The following KHDRBS2 variants were observed in gnomAD, a reference collection of about 807,000 sequenced individuals.
The protein encoded by KHDRBS2 is KH domain-containing, RNA-binding, signal transduction-associated protein 2.
A neutral mutation model predicts 44.3 loss-of-function variants in KHDRBS2; 26 were observed. The observed-to-expected ratio is 0.59, with a 90% CI of 0.43 to 0.81. The LOEUF (loss-of-function observed/expected upper bound fraction) is 0.81, where lower values mean the gene tolerates loss of function less well. KHDRBS2 is among the 40% of genes least tolerant of loss of function. The probability of loss-of-function intolerance (pLI) is 0.00; values close to 1 mark genes in which losing one functional copy is unlikely to be tolerated. For missense variants in KHDRBS2, 476 were observed against 433.1 expected, an observed-to-expected ratio of 1.10 and a Z score of -0.88; for synonymous variants, 194 against 151.1, an observed-to-expected ratio of 1.28 and a Z score of -2.08.
intron 2 of KHDRBS2, among the ~76,000 whole-genome samples, chr6:62,072,721 T>G (rs1194886280): frequency 6.6e-6 from 1 of 152,188 alleles, no homozygotes; most frequent in Non-Finnish European, 1.5e-5. Flanking sequence ...AGCTTTTTGA[T>G]GTGCTGCTGG....
At chr6:61,775,312 A>G (rs1781764962) in intron 6 of KHDRBS2, among the ~76,000 whole-genome samples, 1 of 152,102 alleles carries the variant, frequency 6.6e-6, no homozygotes, top group Non-Finnish European at 1.5e-5. Context: ...CAGCAGAAGG[A>G]AATAAAGGGT....
At chr6:62,109,916 A>G (rs79067103) in intron 2 of KHDRBS2, among the ~76,000 whole-genome samples, 3,980 of 152,040 alleles carry the variant, frequency 0.026, 69 homozygotes, top group Non-Finnish European at 0.036. Flanking sequence ...ACATAAAACT[A>G]TAAAACTTCT....
intron 2 of KHDRBS2, among the ~76,000 whole-genome samples, chr6:62,063,101 G>C (rs1435890065): frequency 1.6e-5 from 2 of 128,552 alleles, no homozygotes; most frequent in Non-Finnish European, 3.4e-5. Flanking sequence ...TCTCTGAATA[G>C]ACCAATAACA....
chr6:61,619,102 TA>T, the KHDRBS2 span, among the ~76,000 whole-genome samples: 5 of 152,038 alleles, frequency 3.3e-5, no homozygotes, highest in Admixed American at 6.6e-5. Flanking sequence ...AAATTGAATA[TA>T]AAAAAAGTTT....
intron 8 of KHDRBS2, among the ~76,000 whole-genome samples, chr6:61,682,979 T>C (rs1356578663): frequency 6.6e-6 from 1 of 151,862 alleles, no homozygotes; most frequent in Non-Finnish European, 1.5e-5. Flanking sequence ...TGTCCTCTGA[T>C]GGTAAAATGT....
At chr6:61,592,614 C>T in the KHDRBS2 span, among the ~76,000 whole-genome samples, 1 of 152,172 alleles carries the variant, frequency 6.6e-6, no homozygotes, top group Non-Finnish European at 1.5e-5. Context: ...CTATTCCTGT[C>T]TGCAGGCTCT....
intron 2 of KHDRBS2, among the ~76,000 whole-genome samples, chr6:62,059,208 T>TTTTTTTG (rs1791068977): frequency 8.9e-6 from 1 of 112,576 alleles, no homozygotes; most frequent in Non-Finnish European, 1.8e-5. Context: ...GTTTTTTTTT[T>TTTTTTTG]TTTTTTTTTT....
chr6:61,897,386 C>A (rs541301195), intron 5 of KHDRBS2, among the ~76,000 whole-genome samples: 10 of 152,192 alleles, frequency 6.6e-5, no homozygotes, highest in Admixed American at 5.2e-4. Context: ...ATGGAGAGAA[C>A]AAGTCACCTG....
At chr6:61,928,765 A>C (rs1809452319) in intron 4 of KHDRBS2, among the ~76,000 whole-genome samples, 1 of 152,086 alleles carries the variant, frequency 6.6e-6, no homozygotes, top group African/African-American at 2.4e-5. Flanking sequence ...ATCATGCTTG[A>C]GTTTTCTACC....
chr6:61,568,821 A>T, the KHDRBS2 span, among the ~76,000 whole-genome samples: 1 of 152,212 alleles, frequency 6.6e-6, no homozygotes, highest in Admixed American at 6.5e-5. Flanking sequence ...GCCCTCAGGG[A>T]AGGCAGCAAG....
chr6:61,901,649 G>C lies in KHDRBS2; in HGVS notation c.484-278C>G, dbSNP rs538700043. On this transcript the variant is annotated intron_variant, in intron 4 of 8. Coordinates refer to ENST00000281156, the MANE Select transcript of KHDRBS2 (RefSeq NM_152688.4). ...GAGATATCACATGATGTGTTAGCTG[G>C]AAAAAGGAAGATAGCAACATAAAAT... Among the ~76,000 whole-genome samples the C allele has an allele frequency of 3.3e-5, 5 of 152,260 alleles. No individual in the cohort carries two copies. The East Asian group carries it at 9.6e-4, about 29-fold the overall frequency.
intron 7 of KHDRBS2, among the ~76,000 whole-genome samples, chr6:61,708,168 T>G (rs542023777): frequency 1.3e-5 from 2 of 151,710 alleles, no homozygotes; most frequent in Admixed American, 6.6e-5. Context: ...ATTATTTGCT[T>G]TGCTGAGAAT....
chr6:61,722,140 T>A (rs1772707933), intron 7 of KHDRBS2, among the ~76,000 whole-genome samples: 1 of 152,156 alleles, frequency 6.6e-6, no homozygotes, highest in African/African-American at 2.4e-5. Flanking sequence ...CACTTGATCA[T>A]GGTGGATAAG....
the KHDRBS2 span, among the ~76,000 whole-genome samples, chr6:61,628,577 A>G: frequency 3.9e-5 from 6 of 152,106 alleles, no homozygotes; most frequent in African/African-American, 1.4e-4. Context: ...CTCAAACACT[A>G]TGGATCCATC....
At chr6:62,065,737 A>T (rs572122948) in intron 2 of KHDRBS2, among the ~76,000 whole-genome samples, 17 of 151,242 alleles carry the variant, frequency 1.1e-4, no homozygotes, top group South Asian at 4.2e-4. Context: ...TACATATGTA[A>T]CTAACCTGCA....
chr6:61,929,682 G>A (rs1258710767), intron 4 of KHDRBS2, among the ~76,000 whole-genome samples: 1 of 151,970 alleles, frequency 6.6e-6, no homozygotes, highest in Non-Finnish European at 1.5e-5. Context: ...TTAAGTTCCT[G>A]AAATATAACA....
chr6:61,555,156 G>T, the KHDRBS2 span, among the ~76,000 whole-genome samples: 1 of 151,974 alleles, frequency 6.6e-6, no homozygotes, highest in African/African-American at 2.4e-5. Flanking sequence ...GTCATAAATT[G>T]GGTCTCTTTA....
At chr6:62,090,573 A>C (rs1420928297) in intron 2 of KHDRBS2, among the ~76,000 whole-genome samples, 1 of 150,444 alleles carries the variant, frequency 6.6e-6, no homozygotes, top group South Asian at 2.1e-4. Context: ...TTTTTTTTTA[A>C]TTTTACTTAT....
intron 1 of KHDRBS2, among the ~76,000 whole-genome samples, chr6:62,237,115 G>A (rs766964330): frequency 1.1e-4 from 16 of 152,050 alleles, no homozygotes; most frequent in African/African-American, 2.4e-4. Flanking sequence ...TTGCCATTGC[G>A]TCACACGTGC....
Sources: gnomAD v4.1 joint callset for allele counts (sites outside exome capture counted in the v4.1 genomes callset) on GRCh38, gnomAD v4.1.1 for gene constraint, MANE v1.5 for transcripts, NCBI Gene and HGNC (gene_info 2026-07-23, HGNC 2026-07-21) for gene names.